VIPAS39: variants seen among roughly 807,000 people sequenced by gnomAD.
VIPAS39 encodes the protein VPS33B interacting protein, apical-basolateral polarity regulator, spe-39 homolog.
A neutral mutation model predicts 84.7 loss-of-function variants in VIPAS39; 63 were observed. That is an observed-to-expected ratio of 0.74 (90% CI 0.61 to 0.92). VIPAS39 has a LOEUF of 0.92. Among genes scored for constraint, VIPAS39 ranks in the 40% least tolerant of loss-of-function variants. The pLI is 0.00. For synonymous variants in VIPAS39, 192 were observed against 216.5 expected, an observed-to-expected ratio of 0.89 and a Z score of 0.99; for missense variants, 499 against 604.5, an observed-to-expected ratio of 0.83 and a Z score of 1.83.
At chr14:77,454,181 C>T in intron 1 of VIPAS39, 79 bp from the exon 2 acceptor site, 1 of 1,301,666 alleles carries the variant, frequency 7.7e-7, no homozygotes, top group Non-Finnish European at 1.1e-6. Flanking sequence ...TTTCCTGCAC[C>T]ACTAACTGAT....
chr14:77,453,633 C>G (rs553100642), intron 2 of VIPAS39, among the ~76,000 whole-genome samples: 1 of 152,258 alleles, frequency 6.6e-6, no homozygotes, highest in South Asian at 2.1e-4. Context: ...GAATTCTCAT[C>G]ATATTCCTGG....
In VIPAS39 at chr14:77,444,175, A is replaced by G. The variant is rs1301477487; in HGVS notation, c.597+74T>C. On this transcript the variant is annotated intron_variant, in intron 8 of 19. Coordinates refer to ENST00000557658, the MANE Select transcript of VIPAS39 (RefSeq NM_001193315.2). ...TACTTAACATTTAACACAAAATGTT[A>G]GTCTATTTGATTGGATTTTCAGAAA... 5 of 1,393,254 alleles carry G rather than the reference A, an allele frequency of 3.6e-6. No homozygotes were observed. The Admixed American group carries it at 9.0e-5, about 25-fold the overall frequency. 86.3% of individuals were successfully genotyped at this position (1,393,254 alleles called of 1,614,324 possible).
At chr14:77,440,997 C>T (rs558534666) in intron 11 of VIPAS39, 69 bp downstream of exon 11, 83 of 1,592,064 alleles carry the variant, frequency 5.2e-5, no homozygotes, top group East Asian at 3.2e-4. Flanking sequence ...GGATTACAGG[C>T]GTGAGCCACT....
In VIPAS39 at chr14:77,443,237, A is replaced by G. The variant is rs1316122486; in HGVS notation, c.598-85T>C. On this transcript the variant is annotated intron_variant, in intron 8 of 19. Transcript: ENST00000557658. The stretch of plus-strand genomic sequence containing the variant: ...ACTACAGACACGGGGCCAGCAACTC[A>G]TTAGCAATCTCTGAAGGTATAGCCA... 8 of 1,505,202 alleles carry G rather than the reference A, an allele frequency of 5.3e-6. No individual in the cohort carries two copies. The East Asian group carries it at 1.8e-4, about 34-fold the overall frequency. 93.2% of individuals were successfully genotyped at this position (1,505,202 alleles called of 1,614,324 possible). A position where few individuals can be genotyped will look rare whatever the true frequency, so the allele number is the denominator to read the frequency against.
In VIPAS39 at chr14:77,428,445, C is replaced by T; in HGVS notation, c.1386G>A (p.Gln462=). The T allele has an allele frequency of 1.2e-6, 2 of 1,614,158 alleles. No individual in the cohort carries two copies. Among genetic ancestry groups the T allele is most frequent in the Non-Finnish European group, 1.7e-6 (2 of 1,180,010 alleles). ...CTACCTTACTCCTGTATGCTAGCAA[C>T]TGTTGACGATCCTTCAGGTCCCGGT... The part of the protein sequence containing the change: ...DTYRDLKDRQ[Q]LLAYRSKVDK... Residue 462 remains glutamine, a synonymous_variant, in exon 19 of 20, where the codon CAG becomes CAA. Transcript: ENST00000557658.
intron 3 of VIPAS39, among the ~76,000 whole-genome samples, chr14:77,452,648 T>C (rs1253808768): frequency 6.6e-6 from 1 of 151,728 alleles, no homozygotes; most frequent in East Asian, 1.9e-4. Context: ...GGCATGGTGG[T>C]TGGCACCTTT....
At chr14:77,430,633 G>A (rs947599641) in intron 16 of VIPAS39, among the ~76,000 whole-genome samples, 1 of 150,286 alleles carries the variant, frequency 6.7e-6, no homozygotes, top group Non-Finnish European at 1.5e-5. Context: ...AGGAGATTCA[G>A]TGGAACCCTG....
At chr14:77,439,905 A>G (rs932809565) in intron 11 of VIPAS39, among the ~76,000 whole-genome samples, 5 of 152,234 alleles carry the variant, frequency 3.3e-5, no homozygotes, top group African/African-American at 1.2e-4. Context: ...TAAAAAAGCA[A>G]TCCTGCCATC....
intron 7 of VIPAS39, among the ~76,000 whole-genome samples, chr14:77,447,766 T>A (rs372358642): frequency 7.9e-5 from 12 of 152,316 alleles, no homozygotes; most frequent in African/African-American, 2.6e-4. Context: ...ATTCAAGTGA[T>A]TCTCCTGCCT....
At chr14:77,432,102 T>A (rs1353960310) in intron 16 of VIPAS39, among the ~76,000 whole-genome samples, 1 of 152,186 alleles carries the variant, frequency 6.6e-6, no homozygotes, top group African/African-American at 2.4e-5. Flanking sequence ...ATGAGTAGAT[T>A]TTAGCTGTTT....
rs147303718 is a variant in VIPAS39, at chr14:77,435,334, G to A, written c.972C>T (p.Arg324=). ...GTGGCATGTTGAGGATGGAGGCTTTGCGGGGGTGCTTTCGGAAGATCTCAG... is the reference window on the plus strand; with the variant it reads ...GTGGCATGTTGAGGATGGAGGCTTTACGGGGGTGCTTTCGGAAGATCTCAG... ...GQTEIFRKHP[R]KASILNMPLV... Residue 324 remains arginine (R), a synonymous_variant, in exon 14 of 20, where the codon CGC becomes CGT. Transcript: ENST00000557658. The A allele has an allele frequency of 1.4e-4, 218 of 1,613,866 alleles. No homozygotes were observed. In the African/African-American group the frequency reaches 2.7e-3, roughly 20 times the overall value.
intron 11 of VIPAS39, among the ~76,000 whole-genome samples, chr14:77,438,311 C>T (rs1273625805): frequency 2.0e-5 from 3 of 151,556 alleles, no homozygotes; most frequent in African/African-American, 7.3e-5. Flanking sequence ...TCATTGCAAC[C>T]TCTGCCTCCC....
intron 10 of VIPAS39, among the ~76,000 whole-genome samples, chr14:77,442,120 C>T (rs1237218907): frequency 2.0e-5 from 3 of 152,134 alleles, no homozygotes; most frequent in Non-Finnish European, 4.4e-5. Flanking sequence ...ATAAAAGATA[C>T]CTTTATTCTA....
chr14:77,455,372 C>A (rs1311156698), intron 1 of VIPAS39, among the ~76,000 whole-genome samples: 1 of 152,150 alleles, frequency 6.6e-6, no homozygotes, highest in East Asian at 1.9e-4. Flanking sequence ...GTAGTCCCAG[C>A]TGCTTGGGAG....
At chr14:77,455,750 T>C (rs958328190) in intron 1 of VIPAS39, among the ~76,000 whole-genome samples, 3 of 152,254 alleles carry the variant, frequency 2.0e-5, no homozygotes, top group African/African-American at 7.2e-5. Flanking sequence ...TGTTACTTCC[T>C]GACTTTGTTT....
intron 7 of VIPAS39, among the ~76,000 whole-genome samples, chr14:77,447,774 C>T (rs1378287640): frequency 6.6e-6 from 1 of 152,206 alleles, no homozygotes; most frequent in Non-Finnish European, 1.5e-5. Context: ...GATTCTCCTG[C>T]CTCAGCCTCC....
intron 4 of VIPAS39, among the ~76,000 whole-genome samples, chr14:77,450,717 T>C (rs890796262): frequency 1.3e-5 from 2 of 152,166 alleles, no homozygotes; most frequent in African/African-American, 2.4e-5. Context: ...ACCATATTGG[T>C]AGGCTGGTCT....
chr14:77,439,345 T>C (rs986930843), intron 11 of VIPAS39, among the ~76,000 whole-genome samples: 2 of 152,216 alleles, frequency 1.3e-5, no homozygotes, highest in Admixed American at 1.3e-4. Context: ...AAAATCCTTA[T>C]AGTTTTGAAC....
At position 77,457,501 on chromosome 14, in the gene VIPAS39, C is replaced by T; in HGVS notation, c.-7G>A. On this transcript the variant is annotated 5_prime_UTR_variant, in exon 1 of 20. Transcript: ENST00000557658. ...GGGCTTGGGACACCCTCACCTCTTC[C>T]GCACAGAGCCCTCCCTCTCAGGACA... 1.9e-6 allele frequency: 2 copies of T among 1,068,422 alleles called. No individual in the cohort carries two copies. The highest frequency in any genetic ancestry group is 2.9e-5 in the South Asian group (2 of 69,564). The allele number at this position is 1,068,422 out of a possible 1,614,324, so 66.2% of individuals were successfully genotyped here.
Sources: allele counts gnomAD v4.1 joint callset (sites outside exome capture counted in the v4.1 genomes callset), GRCh38; gene constraint gnomAD v4.1.1; transcripts MANE v1.5; gene names NCBI Gene and HGNC (gene_info 2026-07-23, HGNC 2026-07-21).